CAPN7: variants seen among roughly 807,000 people sequenced by gnomAD.
CAPN7 encodes calpain 7.
In CAPN7, 72 loss-of-function variants were observed where a neutral mutation model predicts 115.2. The observed-to-expected ratio is 0.63, with a 90% confidence interval of 0.52 to 0.76. The LOEUF is 0.76. CAPN7 is among the 30% of genes least tolerant of loss of function. CAPN7 has a pLI of 0.00. For synonymous variants in CAPN7, 344 were observed against 322.3 expected (o/e 1.07, Z -0.72); for missense variants, 905 against 971.5 (o/e 0.93, Z 0.91).
intron 16 of CAPN7, among the ~76,000 whole-genome samples, chr3:15,243,972 A>T (rs1432664083): frequency 6.6e-6 from 1 of 152,258 alleles, no homozygotes; most frequent in Non-Finnish European, 1.5e-5. Flanking sequence ...TATTGGACTT[A>T]GCATCGTGGC....
Position 15,251,140 on chromosome 3 carries a change from A to C in CAPN7, c.2322A>C (p.Leu774Phe), listed in dbSNP as rs1695984498. The C allele has an allele frequency of 6.2e-7, 1 of 1,606,406 alleles. No individual in the cohort carries two copies. The highest frequency in any genetic ancestry group is 8.5e-7 in the Non-Finnish European group (1 of 1,176,332). The change falls in exon 21 of 21, where the codon TTA (leucine) becomes TTC (phenylalanine). Residue 774 changes from leucine (L) to phenylalanine (F), a missense_variant. By Grantham distance (22) the Leu-to-Phe change is conservative (BLOSUM62 0). Transcript: ENST00000253693. Reference protein sequence around the residue: ...DYRCGFCYLELENIPSGIFNI... With the variant: ...DYRCGFCYLEFENIPSGIFNI... ...GGTGTGGGTTTTGCTACCTGGAATT[A>C]GAAAATATACCTTCTGGGATCTTCA...
At chr3:15,238,849 A>ATTTTTTTTTTTTTTTTTTTTTTTTTTTT (rs59838740) in intron 12 of CAPN7, among the ~76,000 whole-genome samples, 5 of 114,012 alleles carry the variant, frequency 4.4e-5, no homozygotes, top group Non-Finnish European at 5.1e-5. Flanking sequence ...GCAAAATCAA[A>ATTTTTTTTTTTTTTTTTTTTTTTTTTTT]TTTTTTTTTT....
chr3:15,233,907 G>A lies in CAPN7; in HGVS notation c.1220G>A (p.Arg407Lys), dbSNP rs768493914. Residue 407 changes from arginine (R) to lysine (K), a missense_variant, in exon 11 of 21, where the codon AGA becomes AAA. Physicochemically the swap from Arg to Lys is conservative, Grantham distance 26 (BLOSUM62 2). Transcript: ENST00000253693. ...GCACTGACTGGCTGGATACCAGAAAGAATTGCTATGCATTCAGATAGCCAA... is the reference window on the plus strand; with the variant it reads ...GCACTGACTGGCTGGATACCAGAAAAAATTGCTATGCATTCAGATAGCCAA... ...LHALTGWIPERIAMHSDSQTF... is the reference protein window; with the variant it reads ...LHALTGWIPEKIAMHSDSQTF... 3.1e-6 allele frequency: 5 copies of A among 1,607,560 alleles called. No homozygotes were observed. Among genetic ancestry groups the A allele is most frequent in the Non-Finnish European group, 4.3e-6 (5 of 1,175,216 alleles).
rs1301668754 is a variant in CAPN7, at chr3:15,227,705, A to G, written c.726-134A>G. 1.4e-4 allele frequency: 60 copies of G among 434,218 alleles called. No homozygotes were observed. The Admixed American group carries it at 2.6e-3, about 19-fold the overall frequency. The allele number at this position is 434,218 out of a possible 1,614,324, so 26.9% of individuals were successfully genotyped here. On this transcript the variant is annotated intron_variant, in intron 6 of 20. Transcript: ENST00000253693. The stretch of plus-strand genomic sequence containing the variant: ...ACTCTATAAAGAGCCAGATTTGACC[A>G]GAAGGTTATTTTAAGATAATACAGT...
At chr3:15,206,619 C>G in intron 1 of CAPN7, 22 bp downstream of exon 1, 1 of 1,521,754 alleles carries the variant, frequency 6.6e-7, no homozygotes. Context: ...CCCGGCGCTT[C>G]GGTCGGAGTT....
Position 15,240,803 on chromosome 3 carries a change from T to G in CAPN7, c.1602T>G (p.Ile534Met). The G allele has an allele frequency of 6.2e-7, 1 of 1,613,278 alleles. No homozygotes were observed. The highest frequency in any genetic ancestry group is 8.5e-7 in the Non-Finnish European group (1 of 1,179,338). Residue 534 changes from isoleucine to methionine, a missense_variant, in exon 14 of 21, where the codon ATT becomes ATG. Transcript: ENST00000253693. The stretch of plus-strand genomic sequence containing the variant: ...ATCTCTGCCAGTATTATGATGTGAT[T>G]TATTTGAGTTGGAATCCAGGTCTTT... ...WDDLCQYYDV[I>M]YLSWNPGLFK...
At position 15,242,207 on chromosome 3, in the gene CAPN7, C is replaced by G; in HGVS notation, c.1818C>G (p.Ile606Met). 6.2e-7 allele frequency: 1 copy of G among 1,604,366 alleles called. No individual in the cohort carries two copies. The highest frequency in any genetic ancestry group is 8.5e-7 in the Non-Finnish European group (1 of 1,177,440). Reference sequence around the variant, plus strand: ...ATTTTGCGAATAATCGAGAATTTATCACAATGGTTGTATACAAGACTGATG... The same window carrying G: ...ATTTTGCGAATAATCGAGAATTTATGACAATGGTTGTATACAAGACTGATG... ...KDDFANNREF[I>M]TMVVYKTDGK... The change falls in exon 16 of 21, where the codon ATC (isoleucine) becomes ATG (methionine). Residue 606 changes from isoleucine (I) to methionine (M), a missense_variant. Physicochemically the swap from Ile to Met is conservative, Grantham distance 10. Transcript: ENST00000253693.
intron 6 of CAPN7, among the ~76,000 whole-genome samples, chr3:15,223,869 C>T (rs931447358): frequency 6.6e-6 from 1 of 152,118 alleles, no homozygotes; most frequent in Non-Finnish European, 1.5e-5. Context: ...TTCTAACACA[C>T]AGTAAAGAAA....
Position 15,251,151 on chromosome 3 carries a change from C to T in CAPN7, c.2333C>T (p.Pro778Leu). ...GFCYLELENI[P>L]SGIFNIIPST... ...TGCTACCTGGAATTAGAAAATATAC[C>T]TTCTGGGATCTTCAATATCATTCCT... The change falls in exon 21 of 21, where the codon CCT becomes CTT. Residue 778 changes from proline to leucine, a missense_variant. By Grantham distance (98) the Pro-to-Leu change is moderately conservative (BLOSUM62 -3). Around this residue, in one of 3 missense-constraint regions of CAPN7, gnomAD observed 620 missense variants for 703.4 expected, o/e 0.88. Transcript: ENST00000253693. 2 of 1,607,116 alleles carry T rather than the reference C, an allele frequency of 1.2e-6. No homozygotes were observed. Among genetic ancestry groups the T allele is most frequent in the African/African-American group, 1.3e-5 (1 of 74,660 alleles).
intron 14 of CAPN7, 45 bp from the exon 15 acceptor site, chr3:15,241,408 A>T: frequency 6.3e-7 from 1 of 1,586,390 alleles, no homozygotes; most frequent in Non-Finnish European, 8.6e-7. Flanking sequence ...TTTTAGCTCT[A>T]TGAGAAATTT....
intron 2 of CAPN7, among the ~76,000 whole-genome samples, chr3:15,217,127 G>A (rs1693662981): frequency 6.6e-6 from 1 of 151,664 alleles, no homozygotes; most frequent in Admixed American, 6.6e-5. Context: ...CACTCCTGTA[G>A]TCCCAGCTAC....
intron 6 of CAPN7, among the ~76,000 whole-genome samples, chr3:15,226,254 G>A (rs935961728): frequency 6.6e-6 from 1 of 151,794 alleles, no homozygotes; most frequent in Non-Finnish European, 1.5e-5. Context: ...TTGTATTTTG[G>A]GTAGAGACTG....
At chr3:15,233,755 G>A (rs1694830303) in intron 10 of CAPN7, 112 bp from the exon 11 acceptor site, 1 of 670,750 alleles carries the variant, frequency 1.5e-6, no homozygotes, top group Non-Finnish European at 2.6e-6. Flanking sequence ...ACTACCTTCT[G>A]ATTTATTTCT....
chr3:15,235,577 AG>A (rs1694938644), intron 12 of CAPN7, among the ~76,000 whole-genome samples: 1 of 152,188 alleles, frequency 6.6e-6, no homozygotes, highest in Non-Finnish European at 1.5e-5. Context: ...GCATGGTTTC[AG>A]GATAAAACTG....
Position 15,229,045 on chromosome 3 carries a change from G to C in CAPN7, c.924G>C (p.Lys308Asn), listed in dbSNP as rs771375762. Reference protein sequence around the residue: ...ISAAYERRFNKKLITGIIYPQ... With the variant: ...ISAAYERRFNNKLITGIIYPQ... The stretch of plus-strand genomic sequence containing the variant: ...CAGCTTATGAAAGACGTTTTAATAA[G>C]AAGTTAATTACCGGGTAAAAATGTG... Residue 308 changes from lysine to asparagine, a missense_variant, in exon 8 of 21, where the codon AAG becomes AAC. Transcript: ENST00000253693. 1 of 1,612,308 alleles carries C rather than the reference G, an allele frequency of 6.2e-7. No homozygotes were observed. Among genetic ancestry groups the C allele is most frequent in the African/African-American group, 1.3e-5 (1 of 74,882 alleles).
In CAPN7 at chr3:15,252,868, A is replaced by T. The variant is rs948876840; in HGVS notation, c.*1608A>T. On this transcript the variant is annotated 3_prime_UTR_variant, in exon 21 of 21. Coordinates refer to ENST00000253693, the MANE Select transcript of CAPN7 (RefSeq NM_014296.3). The stretch of plus-strand genomic sequence containing the variant: ...AGTGTTTACTATGTACCCAATGTGT[A>T]TATTTTTCTTTTTAATCTTCCCAAT... The T allele has an allele frequency of 7.5e-6, 1 of 133,780 alleles. No homozygotes were observed. The highest frequency in any genetic ancestry group is 1.5e-5 in the Non-Finnish European group (1 of 67,890). 8.3% of individuals were successfully genotyped at this position (133,780 alleles called of 1,614,324 possible).
intron 2 of CAPN7, among the ~76,000 whole-genome samples, chr3:15,216,979 T>G (rs1453373465): frequency 6.6e-6 from 1 of 152,056 alleles, no homozygotes; most frequent in Non-Finnish European, 1.5e-5. Context: ...GGCTCACACC[T>G]GTAATCCCAT....
At chr3:15,223,385 A>T (rs770806737) in intron 5 of CAPN7, 90 bp from the exon 6 acceptor site, 83 of 807,850 alleles carry the variant, frequency 1.0e-4, no homozygotes, top group Non-Finnish European at 1.7e-4. Flanking sequence ...ATACAGTATC[A>T]TACCTTGTCA....
intron 14 of CAPN7, 152 bp downstream of exon 14, chr3:15,241,005 G>T (rs1695311307): frequency 3.6e-6 from 2 of 549,280 alleles, no homozygotes; most frequent in South Asian, 2.3e-5. Context: ...AGGAGTTCTA[G>T]ACCAGGTTGG....
Sources: gnomAD v4.1 joint callset for allele counts (sites outside exome capture counted in the v4.1 genomes callset) on GRCh38, gnomAD v4.1.1 for gene constraint, gnomAD v4.1.1 regional missense constraint, MANE v1.5 for transcripts, NCBI Gene and HGNC (gene_info 2026-07-23, HGNC 2026-07-21) for gene names.